The following ITGA6 variants were observed in gnomAD, a reference collection of about 807,000 sequenced individuals.
ITGA6 encodes the protein integrin subunit alpha 6.
In ITGA6, 63 loss-of-function variants were observed where a neutral mutation model predicts 133.6. The observed-to-expected ratio is 0.47, with a 90% CI of 0.38 to 0.58. ITGA6 has a LOEUF of 0.58. ITGA6 is among the 20% of genes least tolerant of loss of function. ITGA6 has a pLI of 0.00. For missense variants in ITGA6, 1,068 were observed against 1,309.4 expected (o/e 0.82, Z 2.85); for synonymous variants, 434 against 482.0 (o/e 0.90, Z 1.30).
At chr2:172,479,553 G>A (rs1686335654) in intron 9 of ITGA6, 88 bp from the exon 10 acceptor site, 1 of 1,041,758 alleles carries the variant, frequency 9.6e-7, no homozygotes, top group South Asian at 1.3e-5. Context: ...GCTGTGCTGG[G>A]CAGCTAAGGA....
intron 1 of ITGA6, among the ~76,000 whole-genome samples, chr2:172,464,756 A>C (rs935671551): frequency 6.6e-6 from 1 of 152,228 alleles, no homozygotes; most frequent in Non-Finnish European, 1.5e-5. Flanking sequence ...TGCCTAGTAC[A>C]TAAGTGGAGC....
At chr2:172,495,403 A>G (rs1687086633) in intron 23 of ITGA6, 1 of 152,234 alleles carries the variant, frequency 6.6e-6, no homozygotes. Context: ...TGGTGTGACA[A>G]GACAGAACAA....
intron 1 of ITGA6, among the ~76,000 whole-genome samples, chr2:172,433,358 G>T (rs929466059): frequency 1.3e-5 from 2 of 152,200 alleles, no homozygotes; most frequent in African/African-American, 2.4e-5. Flanking sequence ...TTCTTCGTTT[G>T]AGTCAGACTA....
chr2:172,497,532 C>A (rs990725998), intron 23 of ITGA6, among the ~76,000 whole-genome samples: 2 of 148,766 alleles, frequency 1.3e-5, no homozygotes, highest in Non-Finnish European at 3.0e-5. Context: ...TATGATTGTT[C>A]TCAAAAAGAT....
chr2:172,472,941 AT>A (rs892644371), intron 5 of ITGA6: 9,729 of 932,866 alleles, frequency 0.01, no homozygotes, highest in Non-Finnish European at 0.012. Flanking sequence ...TGGTCATTAA[AT>A]TTTTTTTTTT....
chr2:172,439,887 G>T (rs1034349161), intron 1 of ITGA6, among the ~76,000 whole-genome samples: 3 of 152,108 alleles, frequency 2.0e-5, no homozygotes, highest in African/African-American at 4.8e-5. Flanking sequence ...AGTTAAACTT[G>T]TGCCACATAA....
chr2:172,478,520 C>T (rs896771086), intron 9 of ITGA6, among the ~76,000 whole-genome samples: 1 of 152,158 alleles, frequency 6.6e-6, no homozygotes, highest in African/African-American at 2.4e-5. Context: ...CCACCGCATA[C>T]CTGCATTTCT....
intron 13 of ITGA6, among the ~76,000 whole-genome samples, chr2:172,485,748 T>C (rs1012725855): frequency 6.6e-6 from 1 of 152,096 alleles, no homozygotes; most frequent in Admixed American, 6.5e-5. Context: ...GGAAGAAAAA[T>C]GTGTATTAGA....
At position 172,491,227 on chromosome 2, in the gene ITGA6, A is replaced by G. The variant is rs776979348; in HGVS notation, c.2785A>G (p.Ser929Gly). The G allele has an allele frequency of 8.7e-6, 14 of 1,602,768 alleles. No individual in the cohort carries two copies. Among genetic ancestry groups the G allele is most frequent in the Admixed American group, 5.0e-5 (3 of 59,986 alleles). The change falls in exon 22 of 26, where the codon AGC (serine) becomes GGC (glycine). Residue 929 changes from serine (S) to glycine (G), a missense_variant. Ser to Gly is a moderately conservative substitution (Grantham distance 56, BLOSUM62 0). This residue lies in a region of ITGA6 where 609 missense variants were observed against 707.2 expected (regional missense o/e 0.86). Transcript: ENST00000684293. The surrounding 1 kb of genome is among the most constrained non-coding windows in gnomAD (Gnocchi z 4.4). ...TTCTTCTTTTTCTCTCTAGAACTGT[A>G]GCGTGAACGTGAACTGTGTGAACAT... ...AERKYQTLNC[S>G]VNVNCVNIRC...
chr2:172,505,324 G>A lies in ITGA6; in HGVS notation c.*1256G>A, dbSNP rs750205827. 5 of 152,136 alleles carry A rather than the reference G, an allele frequency of 3.3e-5. No homozygotes were observed. Among genetic ancestry groups the A allele is most frequent in the Non-Finnish European group, 5.9e-5 (4 of 68,020 alleles). 9.4% of individuals were successfully genotyped at this position (152,136 alleles called of 1,614,324 possible). A position where few individuals can be genotyped will look rare whatever the true frequency, so the allele number is the denominator to read the frequency against. On this transcript the variant is annotated 3_prime_UTR_variant, in exon 26 of 26. Coordinates refer to ENST00000684293, the MANE Select transcript of ITGA6 (RefSeq NM_000210.4). ...ACTGCTGCAAATACTGTATATTCAG[G>A]ACTTGAAAGAAATGGTGAATGCCTA...
At chr2:172,455,892 C>T (rs1018252544) in intron 1 of ITGA6, among the ~76,000 whole-genome samples, 1 of 152,220 alleles carries the variant, frequency 6.6e-6, no homozygotes, top group Non-Finnish European at 1.5e-5. Flanking sequence ...AGATTGACTT[C>T]TTGTTTAAAG....
In ITGA6 at chr2:172,451,414, A is replaced by G. The variant is rs188356098; in HGVS notation, c.183-14125A>G. On this transcript the variant is annotated intron_variant, in intron 1 of 25. Transcript: ENST00000684293. ...CAGGAGGCAGAGGTTGCAGTGAGCC[A>G]AGATCGCACCACTGCACTTCAGCCT... Among the ~76,000 whole-genome samples the G allele has an allele frequency of 2.6e-3, 389 of 151,770 alleles. 1 individual carries two copies. The highest frequency in any genetic ancestry group is 8.4e-3 in the African/African-American group (349 of 41,330).
In ITGA6 at chr2:172,427,606, G is replaced by T; in HGVS notation, c.-183G>T. The T allele has an allele frequency of 7.8e-7, 1 of 1,275,016 alleles. No homozygotes were observed. The highest frequency in any genetic ancestry group is 9.9e-7 in the Non-Finnish European group (1 of 1,014,240). 79.0% of individuals were successfully genotyped at this position (1,275,016 alleles called of 1,614,324 possible). On this transcript the variant is annotated 5_prime_UTR_variant, in exon 1 of 26. Transcript: ENST00000684293. Reference sequence around the variant, plus strand: ...AGAACAACGGGCTCATTCAGCGGTCGCGAGCTGCCCGCGAGGGGGAGCGGC... The same window carrying T: ...AGAACAACGGGCTCATTCAGCGGTCTCGAGCTGCCCGCGAGGGGGAGCGGC...
rs150472149 is a variant in ITGA6, at chr2:172,427,843, C to T, written c.55C>T (p.Arg19Trp). 7.7e-5 allele frequency: 124 copies of T among 1,605,540 alleles called. No individual in the cohort carries two copies. The Middle Eastern group carries it at 1.2e-3, about 15-fold the overall frequency. The change falls in exon 1 of 26, where the codon CGG becomes TGG. Residue 19 changes from arginine to tryptophan, a missense_variant. By Grantham distance (101) the Arg-to-Trp change is moderately radical. Coordinates refer to ENST00000684293, the MANE Select transcript of ITGA6 (RefSeq NM_000210.4). ...CTACCTGTCGGCGGGGCTCCTGTCC[C>T]GGCTCGGCGCAGCCTTCAACTTGGA... ...LLYLSAGLLS[R>W]LGAAFNLDTR...
intron 1 of ITGA6, among the ~76,000 whole-genome samples, chr2:172,463,979 A>C (rs2149033712): frequency 6.6e-6 from 1 of 152,304 alleles, no homozygotes; most frequent in Admixed American, 6.5e-5. Flanking sequence ...TCAGGCACCA[A>C]GGACACTGCT....
chr2:172,502,703 C>T (rs1220197160), intron 25 of ITGA6, among the ~76,000 whole-genome samples: 1 of 152,116 alleles, frequency 6.6e-6, no homozygotes, highest in East Asian at 1.9e-4. Flanking sequence ...GAGATTTTAT[C>T]CAACCTTGGA....
At chr2:172,465,803 GCC>G in intron 2 of ITGA6, 140 bp downstream of exon 2, 2 of 1,195,040 alleles carry the variant, frequency 1.7e-6, no homozygotes, top group Non-Finnish European at 2.5e-6. Flanking sequence ...TTTTTTATTT[GCC>G]CTGAAAATAT....
In ITGA6 at chr2:172,494,967, T is replaced by G. The variant is rs561467355; in HGVS notation, c.2989-3008T>G. ...CTAAATTCAGAGAACAACTTAAAAT[T>G]CAGAGAACAACTTAAGATACGGATC... On this transcript the variant is annotated intron_variant, in intron 23 of 25. Transcript: ENST00000684293. Among the ~76,000 whole-genome samples, 9 of 152,254 alleles carry G rather than the reference T, an allele frequency of 5.9e-5. No individual in the cohort carries two copies. In the South Asian group the frequency reaches 6.2e-4, roughly 11 times the overall value.
At chr2:172,495,251 T>C (rs1687081020) in intron 23 of ITGA6, 1 of 152,226 alleles carries the variant, frequency 6.6e-6, no homozygotes, top group South Asian at 2.1e-4. Context: ...CTTCCCCTTA[T>C]GGGCACATGG....
Sources: allele counts gnomAD v4.1 joint callset (sites outside exome capture counted in the v4.1 genomes callset), GRCh38; gene constraint gnomAD v4.1.1; regional missense constraint gnomAD v4.1.1; non-coding constraint Gnocchi (gnomAD v3.1); transcripts MANE v1.5; gene names NCBI Gene and HGNC (gene_info 2026-07-23, HGNC 2026-07-21).